ANKRD6: variants seen among roughly 807,000 people sequenced by gnomAD.
ANKRD6 encodes ankyrin repeat domain 6, also known as ankyrin repeat domain-containing protein 6.
In ANKRD6, 56 loss-of-function variants were observed where a neutral mutation model predicts 82.3. That is an observed-to-expected ratio of 0.68 (90% CI 0.55 to 0.85). The LOEUF (loss-of-function observed/expected upper bound fraction) is 0.85. Ranked by LOEUF, ANKRD6 falls within the 40% of genes least tolerant of loss-of-function variation. ANKRD6 has a pLI of 0.00. For synonymous variants in ANKRD6, 347 were observed against 352.1 expected (o/e 0.99, Z 0.16); for missense variants, 852 against 907.6 (o/e 0.94, Z 0.79).
At chr6:89,553,492 G>A (rs1014425441) in intron 1 of ANKRD6, among the ~76,000 whole-genome samples, 2 of 152,176 alleles carry the variant, frequency 1.3e-5, no homozygotes, top group African/African-American at 2.4e-5. Flanking sequence ...TCATGTTTAT[G>A]GGAAGCAAAG....
intron 6 of ANKRD6, among the ~76,000 whole-genome samples, chr6:89,613,551 G>A (rs1214161464): frequency 2.0e-5 from 3 of 152,190 alleles, no homozygotes; most frequent in Non-Finnish European, 2.9e-5. Flanking sequence ...TTTCATAAAC[G>A]TGGAAGCAGT....
chr6:89,498,334 AG>A (rs368035852), intron 1 of ANKRD6, among the ~76,000 whole-genome samples: 2 of 152,284 alleles, frequency 1.3e-5, no homozygotes, highest in East Asian at 3.9e-4. Flanking sequence ...TACCTAGGTA[AG>A]GGGGAAGGTA....
At chr6:89,525,982 A>G (rs372010417) in intron 1 of ANKRD6, among the ~76,000 whole-genome samples, 3 of 152,208 alleles carry the variant, frequency 2.0e-5, no homozygotes, top group South Asian at 2.1e-4. Context: ...GACAGCTCCT[A>G]TTTTTAGGGA....
intron 1 of ANKRD6, among the ~76,000 whole-genome samples, chr6:89,566,526 G>T (rs1788567178): frequency 6.6e-6 from 1 of 152,156 alleles, no homozygotes; most frequent in East Asian, 1.9e-4. Context: ...GGTGCTTAGG[G>T]GATTATACCA....
intron 2 of ANKRD6, among the ~76,000 whole-genome samples, 173 bp from the exon 3 acceptor site, chr6:89,595,743 C>A (rs1282218894): frequency 6.6e-6 from 1 of 152,186 alleles, no homozygotes; most frequent in Non-Finnish European, 1.5e-5. Context: ...CCAAGGTTAA[C>A]TGAGACAAAC....
At chr6:89,608,630 G>A (rs1428782735) in intron 5 of ANKRD6, among the ~76,000 whole-genome samples, 2 of 151,916 alleles carry the variant, frequency 1.3e-5, no homozygotes, top group African/African-American at 2.4e-5. Flanking sequence ...TTTGCCCTCC[G>A]GTGAAATCTC....
In ANKRD6 at chr6:89,578,638, A is replaced by G. The variant is rs996729326; in HGVS notation, c.120+11542A>G. 3.9e-5 allele frequency among the ~76,000 whole-genome samples: 6 copies of G among 152,190 alleles called. No homozygotes were observed. The East Asian group carries it at 5.8e-4, about 15-fold the overall frequency. On this transcript the variant is annotated intron_variant, in intron 2 of 15. Coordinates refer to ENST00000339746, the MANE Select transcript of ANKRD6 (RefSeq NM_001242809.2). ...TTGTTTCAGTTATTAAAATAAGCAT[A>G]TATTAATTTTGTACTTTGTCAAAGA...
At chr6:89,547,570 G>A (rs930443440) in intron 1 of ANKRD6, among the ~76,000 whole-genome samples, 3 of 152,132 alleles carry the variant, frequency 2.0e-5, no homozygotes, top group Non-Finnish European at 2.9e-5. Context: ...GCGCACCAGC[G>A]GGGCTCGGGA....
chr6:89,557,784 C>T (rs1271440260), intron 1 of ANKRD6, among the ~76,000 whole-genome samples: 6 of 152,070 alleles, frequency 3.9e-5, no homozygotes, highest in East Asian at 3.9e-4. Context: ...GTCAGATCAG[C>T]GGCAGCGTTA....
intron 1 of ANKRD6, among the ~76,000 whole-genome samples, chr6:89,489,185 G>T (rs940229152): frequency 3.3e-5 from 5 of 152,176 alleles, no homozygotes; most frequent in African/African-American, 1.2e-4. Flanking sequence ...AGCTCTTTGT[G>T]TTGGCTGCCT....
intron 1 of ANKRD6, among the ~76,000 whole-genome samples, chr6:89,519,802 A>T (rs779922292): frequency 1.3e-5 from 2 of 152,236 alleles, no homozygotes; most frequent in Non-Finnish European, 2.9e-5. Flanking sequence ...GAGTTTAAAG[A>T]TAGTTCATAA....
intron 1 of ANKRD6, among the ~76,000 whole-genome samples, chr6:89,466,250 T>C (rs1468298710): frequency 6.6e-6 from 1 of 152,206 alleles, no homozygotes; most frequent in African/African-American, 2.4e-5. Context: ...GTTGAACCTT[T>C]AGGTGGTTCT....
At chr6:89,588,870 T>C (rs984102921) in intron 2 of ANKRD6, among the ~76,000 whole-genome samples, 2 of 151,704 alleles carry the variant, frequency 1.3e-5, no homozygotes, top group Non-Finnish European at 1.5e-5. Context: ...CTGGGTGTGG[T>C]GGTGCACGCC....
intron 3 of ANKRD6, chr6:89,598,276 A>G (rs973260375): frequency 2.3e-5 from 23 of 985,248 alleles, no homozygotes; most frequent in Non-Finnish European, 2.5e-5. Flanking sequence ...CGCTAATGCC[A>G]TCTCTGATTG....
intron 1 of ANKRD6, among the ~76,000 whole-genome samples, chr6:89,467,798 A>G (rs1775016604): frequency 6.6e-6 from 1 of 151,854 alleles, no homozygotes; most frequent in Non-Finnish European, 1.5e-5. Flanking sequence ...TACACATACA[A>G]CTCCTGCAGC....
At chr6:89,460,263 A>G (rs1008346473) in intron 1 of ANKRD6, among the ~76,000 whole-genome samples, 2 of 151,808 alleles carry the variant, frequency 1.3e-5, no homozygotes, top group Non-Finnish European at 2.9e-5. Context: ...TTCTTTTTTT[A>G]CTTAAAGTTT....
chr6:89,612,433 C>G, intron 6 of ANKRD6, 63 bp downstream of exon 6: 1 of 1,425,470 alleles, frequency 7.0e-7, no homozygotes, highest in Middle Eastern at 1.8e-4. Flanking sequence ...AAAATAACTT[C>G]ATGAGCATAC....
chr6:89,561,464 G>A (rs929174586), intron 1 of ANKRD6: 2 of 152,184 alleles, frequency 1.3e-5, no homozygotes, highest in East Asian at 1.9e-4. Flanking sequence ...GTCCTCATAG[G>A]TAGTACTGTG....
chr6:89,564,485 A>G (rs1562834862), intron 1 of ANKRD6, among the ~76,000 whole-genome samples: 1 of 152,152 alleles, frequency 6.6e-6, no homozygotes, highest in African/African-American at 2.4e-5. Flanking sequence ...GCCTGCAGCT[A>G]TGGCATAAGT....
Sources: allele counts gnomAD v4.1 joint callset (sites outside exome capture counted in the v4.1 genomes callset), GRCh38; gene constraint gnomAD v4.1.1; transcripts MANE v1.5; gene names NCBI Gene and HGNC (gene_info 2026-07-23, HGNC 2026-07-21).